Variants in MAP4K4 observed in about 807,000 individuals in gnomAD.
MAP4K4 encodes the protein HPK/GCK-like kinase HGK.
MAP4K4 carries 38 observed loss-of-function variants against 189.6 expected under a neutral mutation model. The observed-to-expected ratio is 0.20, with a 90% CI of 0.15 to 0.26. The LOEUF (loss-of-function observed/expected upper bound fraction) is 0.26, where lower values mean the gene tolerates loss of function less well. MAP4K4 is among the 10% of genes least tolerant of loss of function. The pLI is 1.00. For synonymous variants in MAP4K4, 610 were observed against 624.3 expected (o/e 0.98, Z 0.34); for missense variants, 1,054 against 1,726.9 (o/e 0.61, Z 6.91).
At position 101,807,772 on chromosome 2, in the gene MAP4K4, G is replaced by A. The variant is rs1205311476; in HGVS notation, c.181-16156G>A. Among the ~76,000 whole-genome samples, 3 of 152,270 alleles carry A rather than the reference G, an allele frequency of 2.0e-5. No homozygotes were observed. In the East Asian group the frequency reaches 5.8e-4, roughly 29 times the overall value. ...AGCAAGATAGAGAAAGAAAGAGTGGGGGAGGGGGAGGGAAGGAATGAGGGA... is the reference window on the plus strand; with the variant it reads ...AGCAAGATAGAGAAAGAAAGAGTGGAGGAGGGGGAGGGAAGGAATGAGGGA... On this transcript the variant is annotated intron_variant, in intron 3 of 32. Coordinates refer to ENST00000324219, the Ensembl canonical transcript of MAP4K4.
At chr2:101,734,285 C>T (rs772368361) in intron 2 of MAP4K4, among the ~76,000 whole-genome samples, 3 of 152,056 alleles carry the variant, frequency 2.0e-5, no homozygotes, top group Non-Finnish European at 4.4e-5. Flanking sequence ...GTGCACCTCC[C>T]CTCATTTTGT....
chr2:101,744,626 C>G (rs1238187685), intron 2 of MAP4K4, among the ~76,000 whole-genome samples: 1 of 151,968 alleles, frequency 6.6e-6, no homozygotes, highest in African/African-American at 2.4e-5. Flanking sequence ...ATGGGGCCAG[C>G]GTACCTCACT....
intron 3 of MAP4K4, among the ~76,000 whole-genome samples, chr2:101,803,448 T>C (rs2094586096): frequency 6.6e-6 from 1 of 152,226 alleles, no homozygotes. Context: ...ATAACCTGTG[T>C]CCATTCCTTT....
At chr2:101,799,869 G>T (rs1257617557) in intron 3 of MAP4K4, among the ~76,000 whole-genome samples, 1 of 152,102 alleles carries the variant, frequency 6.6e-6, no homozygotes, top group Non-Finnish European at 1.5e-5. Context: ...ATCCCAAAGT[G>T]CTAGGACTGC....
intron 12 of MAP4K4, among the ~76,000 whole-genome samples, chr2:101,845,194 A>C (rs969939146): frequency 6.6e-6 from 1 of 151,868 alleles, no homozygotes; most frequent in African/African-American, 2.4e-5. Context: ...AAAATAAAAA[A>C]AAAAACCGAA....
chr2:101,848,585 A>G (rs2097182474), intron 12 of MAP4K4, among the ~76,000 whole-genome samples: 1 of 152,212 alleles, frequency 6.6e-6, no homozygotes, highest in East Asian at 1.9e-4. Flanking sequence ...CACAGTGCAG[A>G]TGCCACAAAA....
At chr2:101,861,052 G>T in intron 16 of MAP4K4, 66 bp downstream of exon 16, 4 of 1,421,802 alleles carry the variant, frequency 2.8e-6, no homozygotes, top group Middle Eastern at 2.4e-4. Context: ...CCGCAGGCCT[G>T]CTGTAATATC....
At chr2:101,709,328 A>G (rs1411556224) in intron 2 of MAP4K4, among the ~76,000 whole-genome samples, 1 of 152,166 alleles carries the variant, frequency 6.6e-6, no homozygotes, top group African/African-American at 2.4e-5. Flanking sequence ...TCAGACTCCC[A>G]AGTAGCTGAG....
At position 101,882,639 on chromosome 2, in the gene MAP4K4, A is replaced by G. The variant is rs1291693910; in HGVS notation, c.3474A>G (p.Gly1158=). 2.5e-6 allele frequency: 4 copies of G among 1,612,472 alleles called. No individual in the cohort carries two copies. The South Asian group carries it at 4.4e-5, about 18-fold the overall frequency. The stretch of plus-strand genomic sequence containing the variant: ...ATCCAGAAGTTGAGAAGAAGCAGGG[A>G]TGGACAACCGTAGGGGATTTGGAAG... Residue 1158 remains glycine, a synonymous_variant, in exon 28 of 33, where the codon GGA becomes GGG. Transcript: ENST00000324219.
chr2:101,887,720 G>A (rs1217338930), intron 30 of MAP4K4, 58 bp from the exon 31 acceptor site: 2 of 1,431,000 alleles, frequency 1.4e-6, no homozygotes, highest in African/African-American at 2.8e-5. Flanking sequence ...CTGAGCACTT[G>A]CACAGGGCTG....
intron 19 of MAP4K4, 99 bp downstream of exon 19, chr2:101,866,678 G>A (rs576486403): frequency 1.3e-5 from 19 of 1,408,928 alleles, no homozygotes; most frequent in Middle Eastern, 3.7e-4. Context: ...GTAGCCACAC[G>A]TCACAAAACA....
At chr2:101,851,603 A>G (rs1244573582) in intron 12 of MAP4K4, among the ~76,000 whole-genome samples, 1 of 152,018 alleles carries the variant, frequency 6.6e-6, no homozygotes, top group Non-Finnish European at 1.5e-5. Flanking sequence ...CTACCTCCAA[A>G]TTGAGGGCCT....
chr2:101,887,612 A>C (rs1012585462), intron 30 of MAP4K4, among the ~76,000 whole-genome samples, 166 bp from the exon 31 acceptor site: 4 of 152,192 alleles, frequency 2.6e-5, no homozygotes, highest in African/African-American at 7.2e-5. Context: ...GAAAAAGCAG[A>C]GTTGGGGATA....
At chr2:101,762,614 G>C (rs1355312781) in intron 2 of MAP4K4, among the ~76,000 whole-genome samples, 1 of 152,182 alleles carries the variant, frequency 6.6e-6, no homozygotes, top group Admixed American at 6.5e-5. Context: ...TTAAGGGCAT[G>C]GCCATCTAAA....
At chr2:101,766,068 C>T (rs2078507803) in intron 2 of MAP4K4, among the ~76,000 whole-genome samples, 1 of 152,208 alleles carries the variant, frequency 6.6e-6, no homozygotes, top group Admixed American at 6.5e-5. Flanking sequence ...GGCTGTCTCA[C>T]AGACCCAGTT....
At chr2:101,716,163 A>G (rs2048233547) in intron 2 of MAP4K4, among the ~76,000 whole-genome samples, 1 of 152,208 alleles carries the variant, frequency 6.6e-6, no homozygotes, top group South Asian at 2.1e-4. Context: ...CAAAAATACT[A>G]CAGATGGCCG....
intron 18 of MAP4K4, among the ~76,000 whole-genome samples, chr2:101,866,006 TGTAA>T (rs1382979111): frequency 1.3e-5 from 2 of 152,232 alleles, no homozygotes; most frequent in Non-Finnish European, 2.9e-5. Context: ...GACTATTCTT[TGTAA>T]GTGTCAGTTT....
At chr2:101,707,987 C>G (rs2043291801) in intron 2 of MAP4K4, among the ~76,000 whole-genome samples, 1 of 151,908 alleles carries the variant, frequency 6.6e-6, no homozygotes, top group African/African-American at 2.4e-5. Context: ...AGGTGTGAGC[C>G]ATCGCGCCCA....
At chr2:101,867,341 T>A in intron 20 of MAP4K4, 32 bp downstream of exon 20, 1 of 1,504,398 alleles carries the variant, frequency 6.6e-7, no homozygotes, top group Non-Finnish European at 9.1e-7. Flanking sequence ...TTTTACTTAT[T>A]TCAGACTTGA....
Sources: allele counts gnomAD v4.1 joint callset (sites outside exome capture counted in the v4.1 genomes callset), GRCh38; gene constraint gnomAD v4.1.1; transcripts MANE v1.5; gene names NCBI Gene and HGNC (gene_info 2026-07-23, HGNC 2026-07-21).